Variants in AKT3 observed in about 807,000 individuals in gnomAD.
AKT3 encodes AKT serine/threonine kinase 3.
AKT3 carries 15 observed loss-of-function variants against 65.3 expected under a neutral mutation model. The ratio of observed to expected loss-of-function variants is 0.23; its 90% CI spans 0.15 to 0.35. The LOEUF (loss-of-function observed/expected upper bound fraction) is 0.35, where lower values mean the gene tolerates loss of function less well. AKT3 is among the 10% of genes least tolerant of loss of function. The pLI, the probability that AKT3 is intolerant of heterozygous loss-of-function variation, is 1.00. For missense variants in AKT3, 243 were observed against 576.5 expected (o/e 0.42, Z 5.92); for synonymous variants, 206 against 183.8 (o/e 1.12, Z -0.98).
At chr1:243,788,512 G>T (rs1364908925) in intron 2 of AKT3, among the ~76,000 whole-genome samples, 2 of 152,154 alleles carry the variant, frequency 1.3e-5, no homozygotes, top group Non-Finnish European at 2.9e-5. Context: ...AAATGGTATA[G>T]TATTTGCATA....
At chr1:243,553,930 A>C (rs2148468465) in intron 10 of AKT3, among the ~76,000 whole-genome samples, 1 of 152,278 alleles carries the variant, frequency 6.6e-6, no homozygotes, top group South Asian at 2.1e-4. Context: ...GCTTTGGAAA[A>C]CCAGATGGGG....
At chr1:243,794,455 A>T (rs887237478) in intron 2 of AKT3, 1 of 152,266 alleles carries the variant, frequency 6.6e-6, no homozygotes, top group Non-Finnish European at 1.5e-5. Flanking sequence ...ACTGCCATTT[A>T]TAACATTATA....
intron 3 of AKT3, among the ~76,000 whole-genome samples, chr1:243,674,694 T>C (rs922322934): frequency 6.6e-6 from 1 of 152,206 alleles, no homozygotes; most frequent in Non-Finnish European, 1.5e-5. Flanking sequence ...AAAAACCAAA[T>C]GCAATGCGTG....
Position 243,781,823 on chromosome 1 carries a change from A to G in AKT3, c.46+61302T>C, listed in dbSNP as rs541003158. On this transcript the variant is annotated intron_variant, in intron 2 of 13. Transcript: ENST00000673466. ...AAAATTCACATGGATTGATGGATTT[A>G]TTTAATCATTCCTTTTTGAGACAGG... Among the ~76,000 whole-genome samples the G allele has an allele frequency of 2.6e-5, 4 of 152,286 alleles. No homozygotes were observed. In the East Asian group the frequency reaches 7.7e-4, roughly 29 times the overall value.
chr1:243,781,606 T>G (rs974765165), intron 2 of AKT3, among the ~76,000 whole-genome samples: 1 of 152,228 alleles, frequency 6.6e-6, no homozygotes, highest in African/African-American at 2.4e-5. Context: ...CAAATCTTTA[T>G]GGATTCCTAA....
intron 2 of AKT3, among the ~76,000 whole-genome samples, chr1:243,760,150 C>T (rs10927068): frequency 0.19 from 29,021 of 152,040 alleles, 3,044 homozygotes; most frequent in East Asian, 0.34. Flanking sequence ...GACAGGGTCT[C>T]ACTCTGTCGC....
intron 2 of AKT3, among the ~76,000 whole-genome samples, chr1:243,820,223 C>G (rs1318014431): frequency 1.1e-4 from 17 of 152,114 alleles, no homozygotes. Context: ...CCAGCCCTAA[C>G]TGTTAAAAGA....
intron 3 of AKT3, among the ~76,000 whole-genome samples, chr1:243,682,883 T>C (rs1431470999): frequency 6.6e-6 from 1 of 152,220 alleles, no homozygotes; most frequent in Non-Finnish European, 1.5e-5. Context: ...GATGATTCTG[T>C]CTTTAATGAT....
intron 8 of AKT3, among the ~76,000 whole-genome samples, chr1:243,582,228 T>C (rs186975749): frequency 6.6e-6 from 1 of 151,934 alleles, no homozygotes; most frequent in East Asian, 1.9e-4. Context: ...GATATCCAGA[T>C]ACAAGAAATC....
intron 2 of AKT3, among the ~76,000 whole-genome samples, chr1:243,773,225 T>A (rs993147210): frequency 9.5e-5 from 14 of 147,814 alleles, no homozygotes; most frequent in Admixed American, 2.7e-4. Flanking sequence ...TATATATATA[T>A]AAAACAAAAA....
intron 2 of AKT3, among the ~76,000 whole-genome samples, chr1:243,740,255 C>G (rs1688071686): frequency 6.6e-6 from 1 of 152,190 alleles, no homozygotes; most frequent in South Asian, 2.1e-4. Flanking sequence ...TTTGAGTCCA[C>G]TGGAAAGGCA....
chr1:243,824,243 T>C (rs945942531), intron 2 of AKT3, among the ~76,000 whole-genome samples: 22 of 152,128 alleles, frequency 1.4e-4, no homozygotes, highest in African/African-American at 5.3e-4. Flanking sequence ...CCTTACATCA[T>C]ATACAAAAAT....
In AKT3 at chr1:243,503,894, T is replaced by G. The variant is rs897413467; in HGVS notation, c.*1355A>C. 2.6e-5 allele frequency: 6 copies of G among 227,782 alleles called. No individual in the cohort carries two copies. Among genetic ancestry groups the G allele is most frequent in the African/African-American group, 8.9e-5 (4 of 45,052 alleles). 14.1% of individuals were successfully genotyped at this position (227,782 alleles called of 1,614,324 possible). On this transcript the variant is annotated 3_prime_UTR_variant, in exon 14 of 14. Coordinates refer to ENST00000673466, the MANE Select transcript of AKT3 (RefSeq NM_005465.7). ...AGGTCTCAATTTTCTTCATTACTTT[T>G]TGTTGCCAGGTCATCATAACGTTTC...
intron 4 of AKT3, among the ~76,000 whole-genome samples, chr1:243,656,259 A>C (rs1681782520): frequency 6.6e-6 from 1 of 152,188 alleles, no homozygotes; most frequent in Admixed American, 6.6e-5. Context: ...CAAGTACATT[A>C]ATCTTTTAAA....
chr1:243,695,541 T>C, intron 3 of AKT3, 50 bp downstream of exon 3: 1 of 1,500,310 alleles, frequency 6.7e-7, no homozygotes, highest in South Asian at 1.3e-5. Flanking sequence ...ACACATAAAA[T>C]CATAAAAATA....
chr1:243,517,041 C>T (rs769742263), intron 12 of AKT3, among the ~76,000 whole-genome samples: 5 of 152,066 alleles, frequency 3.3e-5, no homozygotes, highest in African/African-American at 4.8e-5. Flanking sequence ...ATTGTGTTTT[C>T]GTTTTCAGTC....
Position 243,692,196 on chromosome 1 carries a change from C to T in AKT3, c.172+3395G>A, listed in dbSNP as rs1189443642. On this transcript the variant is annotated intron_variant, in intron 3 of 13. Transcript: ENST00000673466. ...TCTTACCTTCCTCTCATCCTTCTCA[C>T]GTGAGACAGGTCATAAAACTTAGCA... Among the ~76,000 whole-genome samples the T allele has an allele frequency of 7.2e-5, 11 of 152,250 alleles. 1 individual carries two copies. In the South Asian group the frequency reaches 1.9e-3, roughly 26 times the overall value.
At chr1:243,613,882 A>G in intron 7 of AKT3, 143 bp from the exon 8 acceptor site, 1 of 481,736 alleles carries the variant, frequency 2.1e-6, no homozygotes, top group East Asian at 3.4e-5. Flanking sequence ...TTACTACTTA[A>G]AAGTGCTTAA....
At chr1:243,622,732 TAGC>T (rs1558660811) in intron 6 of AKT3, among the ~76,000 whole-genome samples, 1 of 152,214 alleles carries the variant, frequency 6.6e-6, no homozygotes, top group Non-Finnish European at 1.5e-5. Flanking sequence ...GATGAAGGTA[TAGC>T]AGATCAAACC....
Sources: allele counts gnomAD v4.1 joint callset (sites outside exome capture counted in the v4.1 genomes callset), GRCh38; gene constraint gnomAD v4.1.1; transcripts MANE v1.5; gene names NCBI Gene and HGNC (gene_info 2026-07-23, HGNC 2026-07-21).